Variants in ANGPT1 observed in about 807,000 individuals in gnomAD.
ANGPT1 encodes the protein angiopoietin-1.
Under a neutral mutation model 62.2 loss-of-function variants are expected in ANGPT1, and 17 were observed. The observed-to-expected ratio is 0.27, with a 90% CI of 0.19 to 0.41. The LOEUF (loss-of-function observed/expected upper bound fraction) is 0.41. Among genes scored for constraint, ANGPT1 ranks in the 10% least tolerant of loss-of-function variants. ANGPT1 has a pLI of 1.00. For missense variants in ANGPT1, 478 were observed against 594.9 expected (o/e 0.80, Z 2.04); for synonymous variants, 199 against 198.9 (o/e 1.00, Z 0.00).
chr8:107,293,994 A>G lies in ANGPT1; in HGVS notation c.980T>C (p.Ile327Thr). 6.2e-7 allele frequency: 1 copy of G among 1,613,646 alleles called. No individual in the cohort carries two copies. Among genetic ancestry groups the G allele is most frequent in the South Asian group, 1.1e-5 (1 of 91,034 alleles). The change falls in exon 6 of 9, where the codon ATA becomes ACA. Residue 327 changes from isoleucine (I) to threonine (T), a missense_variant. Physicochemically the swap from Ile to Thr is moderately conservative, Grantham distance 89. Coordinates refer to ENST00000517746, the MANE Select transcript of ANGPT1 (RefSeq NM_001146.5). ...MDVNGGGWTV[I>T]QHREDGSLDF... ...TAGACTTCCATCTTCACGATGTTGT[A>G]TTACAGTCCAACCTCCCCCATTGAC...
At chr8:107,293,822 T>C (rs550220397) in intron 6 of ANGPT1, 114 bp downstream of exon 6, 2 of 745,276 alleles carry the variant, frequency 2.7e-6, no homozygotes, top group African/African-American at 3.6e-5. Flanking sequence ...AATGTATCAT[T>C]TTATGTCAAA....
intron 1 of ANGPT1, among the ~76,000 whole-genome samples, chr8:107,388,049 T>G (rs987974820): frequency 1.9e-4 from 29 of 152,012 alleles, no homozygotes. Context: ...TCAAGTTTGC[T>G]CAATTTATAA....
chr8:107,467,893 T>G (rs1812245944), intron 1 of ANGPT1, among the ~76,000 whole-genome samples: 1 of 152,162 alleles, frequency 6.6e-6, no homozygotes, highest in Non-Finnish European at 1.5e-5. Flanking sequence ...AGGTCTGCTT[T>G]GACTCTTGCC....
intron 1 of ANGPT1, among the ~76,000 whole-genome samples, chr8:107,449,635 T>C (rs1291396111): frequency 1.3e-5 from 2 of 152,064 alleles, no homozygotes; most frequent in Non-Finnish European, 2.9e-5. Flanking sequence ...TTCATCAAAC[T>C]TTGTAGCCAG....
At chr8:107,303,414 T>G (rs776346993) in intron 4 of ANGPT1, 47 bp from the exon 5 acceptor site, 10 of 1,506,634 alleles carry the variant, frequency 6.6e-6, no homozygotes, top group Non-Finnish European at 9.0e-6. Context: ...ATCAGTACCA[T>G]TAGTAGCCAA....
chr8:107,339,163 T>C, intron 2 of ANGPT1, among the ~76,000 whole-genome samples: 1 of 152,170 alleles, frequency 6.6e-6, no homozygotes, highest in East Asian at 1.9e-4. Flanking sequence ...GTTCCCAGTT[T>C]GTCTTCCTTC....
At chr8:107,319,475 A>T (rs1321547527) in intron 4 of ANGPT1, among the ~76,000 whole-genome samples, 1 of 151,974 alleles carries the variant, frequency 6.6e-6, no homozygotes, top group Non-Finnish European at 1.5e-5. Context: ...AGAATATTTG[A>T]TGCGTTTATT....
intron 4 of ANGPT1, among the ~76,000 whole-genome samples, chr8:107,306,379 G>C (rs1356820558): frequency 2.6e-5 from 4 of 152,028 alleles, no homozygotes; most frequent in African/African-American, 9.7e-5. Flanking sequence ...CCCCAAAACA[G>C]GCAATCTCAT....
At chr8:107,407,989 T>C (rs1817184341) in intron 1 of ANGPT1, among the ~76,000 whole-genome samples, 1 of 152,174 alleles carries the variant, frequency 6.6e-6, no homozygotes, top group Non-Finnish European at 1.5e-5. Context: ...TTCACACATA[T>C]GGAGAAAGCG....
intron 1 of ANGPT1, among the ~76,000 whole-genome samples, chr8:107,481,307 G>A (rs529355995): frequency 5.9e-5 from 9 of 152,188 alleles, no homozygotes; most frequent in African/African-American, 2.2e-4. Context: ...GGCTGAGGCA[G>A]GTGGATCACG....
chr8:107,478,113 T>C (rs895543495), intron 1 of ANGPT1, among the ~76,000 whole-genome samples: 2 of 151,802 alleles, frequency 1.3e-5, no homozygotes, highest in Non-Finnish European at 2.9e-5. Flanking sequence ...GATCTTTTTA[T>C]ATTTGTTTTC....
chr8:107,389,819 A>G (rs1475402237), intron 1 of ANGPT1, among the ~76,000 whole-genome samples: 2 of 151,854 alleles, frequency 1.3e-5, no homozygotes, highest in Non-Finnish European at 2.9e-5. Context: ...AGTTGTGGCT[A>G]CTCCCTCCAT....
chr8:107,477,516 T>C (rs931108630), intron 1 of ANGPT1, among the ~76,000 whole-genome samples: 3 of 152,144 alleles, frequency 2.0e-5, no homozygotes, highest in Admixed American at 2.0e-4. Context: ...AATGTCATGA[T>C]TGGTTCTAAA....
At chr8:107,356,037 A>G (rs1816037896) in intron 1 of ANGPT1, among the ~76,000 whole-genome samples, 1 of 152,220 alleles carries the variant, frequency 6.6e-6, no homozygotes, top group Non-Finnish European at 1.5e-5. Flanking sequence ...TGAGTCTCCC[A>G]TTGTGAGCTT....
chr8:107,275,312 C>T (rs1219440888), intron 7 of ANGPT1, among the ~76,000 whole-genome samples: 3 of 152,084 alleles, frequency 2.0e-5, no homozygotes, highest in Non-Finnish European at 4.4e-5. Flanking sequence ...CTCATTATTA[C>T]CCCCTTACGC....
At chr8:107,467,645 C>T (rs569703707) in intron 1 of ANGPT1, among the ~76,000 whole-genome samples, 5 of 152,128 alleles carry the variant, frequency 3.3e-5, no homozygotes, top group African/African-American at 9.6e-5. Context: ...GTTAGGAACA[C>T]GTGATCTGTG....
At chr8:107,439,544 C>G (rs537797464) in intron 1 of ANGPT1, among the ~76,000 whole-genome samples, 2 of 152,212 alleles carry the variant, frequency 1.3e-5, no homozygotes, top group African/African-American at 4.8e-5. Context: ...TAACGAATAT[C>G]TGTAGAAATA....
At chr8:107,417,638 C>G (rs746716475) in intron 1 of ANGPT1, among the ~76,000 whole-genome samples, 4 of 152,022 alleles carry the variant, frequency 2.6e-5, no homozygotes, top group Non-Finnish European at 4.4e-5. Context: ...ACCCTAGGAC[C>G]AGTTAAATGG....
chr8:107,475,758 AT>A (rs1563639905), intron 1 of ANGPT1, among the ~76,000 whole-genome samples: 1 of 152,192 alleles, frequency 6.6e-6, no homozygotes, highest in Non-Finnish European at 1.5e-5. Flanking sequence ...AAACAATCCC[AT>A]CAAAAAGTGG....
Sources: allele counts gnomAD v4.1 joint callset (sites outside exome capture counted in the v4.1 genomes callset), GRCh38; gene constraint gnomAD v4.1.1; transcripts MANE v1.5; gene names NCBI Gene and HGNC (gene_info 2026-07-23, HGNC 2026-07-21).